Variants in MCF2L2 observed in about 807,000 individuals in gnomAD.
The protein encoded by MCF2L2 is MCF.2 cell line derived transforming sequence-like 2.
A neutral mutation model predicts 150.2 loss-of-function variants in MCF2L2; 102 were observed. That is an observed-to-expected ratio of 0.68 (90% CI 0.58 to 0.80). MCF2L2 has a LOEUF of 0.80. MCF2L2 is among the 30% of genes least tolerant of loss of function. The pLI is 0.00. For synonymous variants in MCF2L2, 465 were observed against 491.3 expected, an observed-to-expected ratio of 0.95 and a Z score of 0.71; for missense variants, 1,256 against 1,372.8, an observed-to-expected ratio of 0.91 and a Z score of 1.34.
intron 27 of MCF2L2, among the ~76,000 whole-genome samples, chr3:183,182,347 G>A (rs1395140950): frequency 7.1e-6 from 1 of 141,558 alleles, no homozygotes; most frequent in Non-Finnish European, 1.6e-5. Context: ...GATGCCTGGA[G>A]CACCACGGGG....
intron 15 of MCF2L2, among the ~76,000 whole-genome samples, chr3:183,238,318 C>T (rs1018294376): frequency 6.0e-5 from 9 of 148,794 alleles, no homozygotes; most frequent in South Asian, 2.1e-4. Context: ...TGTTTTGAGA[C>T]GGAGTCTTGC....
chr3:183,193,039 A>T lies in MCF2L2; in HGVS notation c.2976T>A (p.Thr992=). 2 of 1,614,030 alleles carry T rather than the reference A, an allele frequency of 1.2e-6. No homozygotes were observed. Among genetic ancestry groups the T allele is most frequent in the Non-Finnish European group, 1.7e-6 (2 of 1,179,990 alleles). Residue 992 remains threonine, a synonymous_variant, in exon 27 of 30, where the codon ACT becomes ACA. Transcript: ENST00000328913. ...PWIKNMERAT[T]SKEDPASSTG... ...TGCTGGAGGCCGGGTCTTCCTTGCT[A>T]GTGGTAGCTCTTTCCATATTTTTAA...
chr3:183,343,490 C>T (rs1346580371), intron 3 of MCF2L2, among the ~76,000 whole-genome samples: 1 of 151,890 alleles, frequency 6.6e-6, no homozygotes, highest in Non-Finnish European at 1.5e-5. Context: ...CCTACCTCAG[C>T]CTCCTGAGTA....
intron 25 of MCF2L2, among the ~76,000 whole-genome samples, chr3:183,195,655 C>T (rs1376986273): frequency 3.3e-5 from 5 of 152,182 alleles, no homozygotes; most frequent in African/African-American, 1.2e-4. Flanking sequence ...ATAAGAATCA[C>T]ATTCTTTACT....
intron 15 of MCF2L2, among the ~76,000 whole-genome samples, chr3:183,251,805 A>G (rs1724550803): frequency 6.6e-6 from 1 of 151,906 alleles, no homozygotes. Flanking sequence ...TAACAAGCAA[A>G]GGGGACTTGC....
intron 15 of MCF2L2, chr3:183,254,135 T>C (rs1724792942): frequency 6.6e-6 from 1 of 151,460 alleles, no homozygotes; most frequent in South Asian, 2.1e-4. Context: ...AGGCTCCGAG[T>C]CTGCCCACTC....
At chr3:183,199,508 G>A (rs1722184449) in intron 25 of MCF2L2, among the ~76,000 whole-genome samples, 1 of 152,030 alleles carries the variant, frequency 6.6e-6, no homozygotes, top group Admixed American at 6.6e-5. Context: ...TGACATCAGT[G>A]AAAATGGTGG....
At chr3:183,374,207 C>A (rs1241863266) in intron 3 of MCF2L2, 1 of 152,504 alleles carries the variant, frequency 6.6e-6, no homozygotes, top group African/African-American at 2.4e-5. Flanking sequence ...TGCCTCAACT[C>A]CTTAACTTGG....
chr3:183,342,862 G>T (rs1730758895), intron 3 of MCF2L2, among the ~76,000 whole-genome samples: 7 of 152,092 alleles, frequency 4.6e-5, no homozygotes, highest in Admixed American at 4.6e-4. Context: ...TTGGGTAAAA[G>T]GTGGGCTTTA....
intron 3 of MCF2L2, among the ~76,000 whole-genome samples, chr3:183,342,230 G>A (rs371870597): frequency 2.6e-5 from 4 of 152,288 alleles, no homozygotes; most frequent in African/African-American, 7.2e-5. Flanking sequence ...AGAATCTTTC[G>A]AAAGTAGAAT....
intron 27 of MCF2L2, among the ~76,000 whole-genome samples, chr3:183,185,388 C>A (rs1300290310): frequency 6.6e-6 from 1 of 152,272 alleles, no homozygotes; most frequent in Non-Finnish European, 1.5e-5. Flanking sequence ...CAATTCCATG[C>A]TTTCAGAGAT....
chr3:183,373,132 G>A (rs1438897341), intron 3 of MCF2L2: 3 of 152,170 alleles, frequency 2.0e-5, no homozygotes, highest in Non-Finnish European at 2.9e-5. Flanking sequence ...GATTTATTGT[G>A]CTATTGTTAT....
chr3:183,383,811 G>A (rs1343975600), intron 2 of MCF2L2, among the ~76,000 whole-genome samples: 1 of 152,124 alleles, frequency 6.6e-6, no homozygotes, highest in Admixed American at 6.5e-5. Context: ...AGGTGTGGCT[G>A]TTCACCTAAG....
intron 21 of MCF2L2, among the ~76,000 whole-genome samples, chr3:183,218,942 A>G (rs1372336545): frequency 6.6e-6 from 1 of 152,208 alleles, no homozygotes; most frequent in Non-Finnish European, 1.5e-5. Flanking sequence ...CTTGTCATCC[A>G]TTCTGAGCAG....
chr3:183,403,107 A>C (rs1481653073), intron 1 of MCF2L2, among the ~76,000 whole-genome samples: 1 of 151,960 alleles, frequency 6.6e-6, no homozygotes, highest in African/African-American at 2.4e-5. Flanking sequence ...CCCCGTCTCT[A>C]CTAAAAATAT....
At chr3:183,354,899 A>G (rs1431153868) in intron 3 of MCF2L2, among the ~76,000 whole-genome samples, 1 of 152,178 alleles carries the variant, frequency 6.6e-6, no homozygotes, top group East Asian at 1.9e-4. Context: ...CGTAGTCCCT[A>G]TAAGCATGCA....
intron 5 of MCF2L2, among the ~76,000 whole-genome samples, chr3:183,323,637 T>TA (rs373398946): frequency 1.7e-4 from 25 of 143,580 alleles, no homozygotes; most frequent in South Asian, 6.7e-4. Context: ...AGAAAAAAAA[T>TA]AAAAAAAAAA....
intron 7 of MCF2L2, among the ~76,000 whole-genome samples, chr3:183,316,894 C>A (rs909604558): frequency 1.3e-5 from 2 of 151,890 alleles, no homozygotes. Context: ...TTAGTAGAGA[C>A]AGGGTTTCAC....
intron 15 of MCF2L2, among the ~76,000 whole-genome samples, chr3:183,249,806 T>C (rs1724433282): frequency 6.6e-6 from 1 of 152,216 alleles, no homozygotes; most frequent in Non-Finnish European, 1.5e-5. Context: ...GATGGGATTC[T>C]TGGAACAAAA....
Sources: allele counts gnomAD v4.1 joint callset (sites outside exome capture counted in the v4.1 genomes callset), GRCh38; gene constraint gnomAD v4.1.1; transcripts MANE v1.5; gene names NCBI Gene and HGNC (gene_info 2026-07-23, HGNC 2026-07-21).